The following PLA2G5 variants were observed in gnomAD, a reference collection of about 807,000 sequenced individuals.
PLA2G5 encodes Ca2+-dependent phospholipase A2.
PLA2G5 carries 12 observed loss-of-function variants against 15.9 expected under a neutral mutation model. The observed-to-expected ratio is 0.76, with a 90% confidence interval of 0.48 to 1.23. The LOEUF is 1.23. Among genes scored for constraint, PLA2G5 ranks in the 50% most tolerant of loss-of-function variants. The probability of loss-of-function intolerance (pLI) is 0.00; values close to 1 mark genes in which losing one functional copy is unlikely to be tolerated. For synonymous variants in PLA2G5, 71 were observed against 71.4 expected, an observed-to-expected ratio of 0.99 and a Z score of 0.03; for missense variants, 169 against 177.1, an observed-to-expected ratio of 0.95 and a Z score of 0.26.
At chr1:20,048,252 A>G (rs1466983398) in intron 1 of PLA2G5, among the ~76,000 whole-genome samples, 1 of 152,182 alleles carries the variant, frequency 6.6e-6, no homozygotes, top group Non-Finnish European at 1.5e-5. Context: ...AATAAATAAG[A>G]TAGCCTTAAA....
chr1:20,084,720 A>G, intron 1 of PLA2G5, 101 bp from the exon 2 acceptor site: 1 of 780,776 alleles, frequency 1.3e-6, no homozygotes, highest in Non-Finnish European at 2.3e-6. Flanking sequence ...CATGACGGGG[A>G]GTGGAATAGA....
Position 20,090,642 on chromosome 1 carries a change from C to T in PLA2G5, c.367C>T (p.Arg123Trp), listed in dbSNP as rs755878705. ...CGTCTACTGCCTCAAGAGAAACCTA[C>T]GGAGCTACAACCCACAGTACCAATA... ...KLVYCLKRNLRSYNPQYQYFP... is the reference protein window; with the variant it reads ...KLVYCLKRNLWSYNPQYQYFP... The change falls in exon 5 of 5, where the codon CGG becomes TGG. Residue 123 changes from arginine (R) to tryptophan (W), a missense_variant. Coordinates refer to ENST00000375108, the MANE Select transcript of PLA2G5 (RefSeq NM_000929.3). The T allele has an allele frequency of 4.3e-6, 7 of 1,613,826 alleles. No homozygotes were observed. The highest frequency in any genetic ancestry group is 2.2e-5 in the East Asian group (1 of 44,898).
At chr1:20,067,938 G>A (rs1015447562), upstream of PLA2G5, among the ~76,000 whole-genome samples, 6 of 152,092 alleles carry the variant, frequency 3.9e-5, no homozygotes, top group African/African-American at 1.4e-4. Context: ...CGCCAACATG[G>A]TGGAACCTCA....
chr1:20,037,637 C>G (rs976145887), intron 1 of PLA2G5, among the ~76,000 whole-genome samples: 1 of 152,182 alleles, frequency 6.6e-6, no homozygotes, highest in Non-Finnish European at 1.5e-5. Flanking sequence ...TTTCTTGGAG[C>G]AGGGTTGTTC....
chr1:20,060,247 CTTTTT>C (rs71585739), intron 2 of PLA2G5, among the ~76,000 whole-genome samples: 200 of 83,692 alleles, frequency 2.4e-3, no homozygotes, highest in African/African-American at 8.8e-3. Flanking sequence ...CTTTTTTCTT[CTTTTT>C]TTTTTTTTTT....
intron 3 of PLA2G5, among the ~76,000 whole-genome samples, chr1:20,088,170 C>T (rs558524066): frequency 1.3e-5 from 2 of 152,300 alleles, no homozygotes; most frequent in African/African-American, 4.8e-5. Context: ...CCAGCCTGAC[C>T]AATGTGGAAA....
chr1:20,075,691 A>G (rs1002294840), intron 1 of PLA2G5, among the ~76,000 whole-genome samples: 2 of 152,092 alleles, frequency 1.3e-5, no homozygotes, highest in Non-Finnish European at 2.9e-5. Flanking sequence ...GGCAGATTAG[A>G]CTTAAGACTG....
intron 1 of PLA2G5, among the ~76,000 whole-genome samples, chr1:20,046,700 G>T (rs898201857): frequency 3.3e-5 from 5 of 152,160 alleles, no homozygotes; most frequent in African/African-American, 1.2e-4. Flanking sequence ...GGCTTTGGGG[G>T]TACCAGAGAT....
chr1:20,033,612 T>C (rs925624244), intron 1 of PLA2G5, among the ~76,000 whole-genome samples: 6 of 152,152 alleles, frequency 3.9e-5, no homozygotes. Flanking sequence ...CAGCCTTGGA[T>C]GACAGAGTCC....
At chr1:20,067,128 T>G (rs61770037), upstream of PLA2G5, among the ~76,000 whole-genome samples, 146 of 152,168 alleles carry the variant, frequency 9.6e-4, no homozygotes, top group Non-Finnish European at 1.1e-3. Flanking sequence ...CCCAAGTAGC[T>G]GGACTACACG....
intron 1 of PLA2G5, among the ~76,000 whole-genome samples, chr1:20,059,266 C>G (rs930217174): frequency 1.3e-5 from 2 of 151,994 alleles, no homozygotes; most frequent in South Asian, 2.1e-4. Context: ...GACCTATTCT[C>G]TACTAAAAAA....
intron 1 of PLA2G5, among the ~76,000 whole-genome samples, chr1:20,037,934 G>C (rs968614884): frequency 2.0e-5 from 3 of 152,118 alleles, no homozygotes; most frequent in African/African-American, 4.8e-5. Context: ...CAATGGCTGT[G>C]GGGGATAGGG....
chr1:20,078,891 G>A (rs1299812220), intron 1 of PLA2G5, among the ~76,000 whole-genome samples: 1 of 152,054 alleles, frequency 6.6e-6, no homozygotes, highest in Non-Finnish European at 1.5e-5. Flanking sequence ...AGGATCACTT[G>A]ACCCCAGGAA....
chr1:20,070,342 C>G lies in PLA2G5; in HGVS notation c.-134C>G. The G allele has an allele frequency of 8.1e-6, 8 of 985,538 alleles. No individual in the cohort carries two copies. The highest frequency in any genetic ancestry group is 9.6e-6 in the Non-Finnish European group (8 of 829,974). 61.0% of individuals were successfully genotyped at this position (985,538 alleles called of 1,614,324 possible). A position where few individuals can be genotyped will look rare whatever the true frequency, so the allele number is the denominator to read the frequency against. On this transcript the variant is annotated 5_prime_UTR_variant, in exon 1 of 5. Coordinates refer to ENST00000375108, the MANE Select transcript of PLA2G5 (RefSeq NM_000929.3). ...ATTTGACTCCCCCCGGATCCATGGT[C>G]TGTGGATACCAATGTTCCGACTGGA... is the stretch of plus-strand genomic sequence containing the variant.
chr1:20,061,586 C>CAAAAA (rs35346493), intron 2 of PLA2G5, among the ~76,000 whole-genome samples: 4 of 67,726 alleles, frequency 5.9e-5, no homozygotes, highest in Non-Finnish European at 1.1e-4. Context: ...ACCCTGTCTC[C>CAAAAA]AAAAAAAAAA....
intron 1 of PLA2G5, among the ~76,000 whole-genome samples, chr1:20,081,389 A>G (rs903879446): frequency 6.7e-6 from 1 of 148,176 alleles, no homozygotes; most frequent in African/African-American, 2.5e-5. Context: ...CAACAGATCA[A>G]GAAATGATTG....
rs557234709 is a variant in PLA2G5, at chr1:20,082,240, A to G, written c.-10-2581A>G. ...TTTGACTTGGGGTTTTATACATGGCATACTTCAGGGGTCTTGTTTTCCTTA... is the reference window on the plus strand; with the variant it reads ...TTTGACTTGGGGTTTTATACATGGCGTACTTCAGGGGTCTTGTTTTCCTTA... On this transcript the variant is annotated intron_variant, in intron 1 of 4. Coordinates refer to ENST00000375108, the MANE Select transcript of PLA2G5 (RefSeq NM_000929.3). Among the ~76,000 whole-genome samples, 4 of 152,020 alleles carry G rather than the reference A, an allele frequency of 2.6e-5. No homozygotes were observed. The East Asian group carries it at 7.7e-4, about 29-fold the overall frequency.
chr1:20,066,065 T>C (rs1331397080), upstream of PLA2G5: 1 of 152,144 alleles, frequency 6.6e-6, no homozygotes. Flanking sequence ...TGAATGAGAG[T>C]CCCTGTTCCA....
intron 1 of PLA2G5, among the ~76,000 whole-genome samples, chr1:20,059,414 T>G (rs2014592333): frequency 6.7e-6 from 1 of 149,454 alleles, no homozygotes; most frequent in Admixed American, 6.7e-5. Context: ...CAGAGTGAGG[T>G]CCTGTCTAAA....
Sources: gnomAD v4.1 joint callset for allele counts (sites outside exome capture counted in the v4.1 genomes callset) on GRCh38, gnomAD v4.1.1 for gene constraint, MANE v1.5 for transcripts, NCBI Gene and HGNC (gene_info 2026-07-23, HGNC 2026-07-21) for gene names.